Variants in PID1 observed in about 807,000 individuals in gnomAD.
PID1 encodes the protein PTB-containing, cubilin and LRP1-interacting protein.
PID1 carries 10 observed loss-of-function variants against 19.1 expected under a neutral mutation model. That is an observed-to-expected ratio of 0.52 (90% CI 0.32 to 0.89). PID1 has a LOEUF of 0.89. PID1 is among the 40% of genes least tolerant of loss of function. The pLI is 0.03. For missense variants in PID1, 248 were observed against 285.3 expected, an observed-to-expected ratio of 0.87 and a Z score of 0.94; for synonymous variants, 130 against 116.0, an observed-to-expected ratio of 1.12 and a Z score of -0.78.
intron 2 of PID1, among the ~76,000 whole-genome samples, chr2:229,085,816 T>A (rs1011605192): frequency 6.6e-6 from 1 of 152,022 alleles, no homozygotes; most frequent in Non-Finnish European, 1.5e-5. Context: ...TTAATCCACA[T>A]GATACTATAA....
At chr2:229,123,039 A>G (rs747970850) in intron 2 of PID1, among the ~76,000 whole-genome samples, 16 of 152,138 alleles carry the variant, frequency 1.1e-4, no homozygotes, top group Non-Finnish European at 2.1e-4. Context: ...ATAATATAAA[A>G]TTCACTTATT....
chr2:229,270,974 C>A, intron 1 of PID1, 40 bp downstream of exon 1: 1 of 1,464,010 alleles, frequency 6.8e-7, no homozygotes, highest in Non-Finnish European at 9.0e-7. Flanking sequence ...CCGGGCACCT[C>A]CTCCTCCAGG....
At position 229,069,143 on chromosome 2, in the gene PID1, T is replaced by TGTGTGTGTGTGTGTGTG. The variant is rs1553559154; in HGVS notation, c.178-43036_178-43035insCACACACACACACACAC. ...TTCCTTTCTTTAACGAGAAGGGTTT[T>TGTGTGTGTGTGTGTGTG]TGTGTGTGTGTGTGTGTGTGTGTGT... is the stretch of plus-strand genomic sequence containing the variant. On this transcript the variant is annotated intron_variant, in intron 2 of 2. Transcript: ENST00000392055. Among the ~76,000 whole-genome samples the TGTGTGTGTGTGTGTGTG allele has an allele frequency of 3.1e-4, 43 of 140,706 alleles. 1 individual carries two copies. Among genetic ancestry groups the TGTGTGTGTGTGTGTGTG allele is most frequent in the African/African-American group, 1.6e-4 (6 of 37,568 alleles). The allele number at this position is 140,706 out of a possible 152,430, so 92.3% of individuals were successfully genotyped here.
intron 2 of PID1, among the ~76,000 whole-genome samples, chr2:229,104,680 G>A (rs1695138951): frequency 6.6e-6 from 1 of 152,128 alleles, no homozygotes; most frequent in Non-Finnish European, 1.5e-5. Context: ...TACATTATCT[G>A]TATGGATTCC....
chr2:229,174,146 T>TTTCTTGGTA (rs1690765571), intron 1 of PID1, among the ~76,000 whole-genome samples: 1 of 152,132 alleles, frequency 6.6e-6, no homozygotes. Flanking sequence ...TTTGCTCAGG[T>TTTCTTGGTA]TTCTTGGTAT....
chr2:229,070,153 T>C (rs761571638), intron 2 of PID1, among the ~76,000 whole-genome samples: 16 of 152,168 alleles, frequency 1.1e-4, no homozygotes, highest in Non-Finnish European at 1.3e-4. Context: ...CTTTTCTAAA[T>C]ATGTAAGAGC....
intron 1 of PID1, among the ~76,000 whole-genome samples, chr2:229,191,711 C>T (rs1691263786): frequency 6.6e-6 from 1 of 152,188 alleles, no homozygotes; most frequent in Non-Finnish European, 1.5e-5. Flanking sequence ...TGAATCAGCA[C>T]TCTTAAATTG....
At chr2:229,192,086 T>C (rs956234676) in intron 1 of PID1, among the ~76,000 whole-genome samples, 1 of 151,928 alleles carries the variant, frequency 6.6e-6, no homozygotes, top group African/African-American at 2.4e-5. Context: ...TAGAAGAAAA[T>C]AGGGGGTATA....
chr2:229,251,376 T>C (rs1690145674), intron 1 of PID1, among the ~76,000 whole-genome samples: 1 of 152,096 alleles, frequency 6.6e-6, no homozygotes, highest in African/African-American at 2.4e-5. Flanking sequence ...GATCCGTTGG[T>C]CAAGAATTAC....
At chr2:229,137,733 T>C (rs1057372234) in intron 2 of PID1, among the ~76,000 whole-genome samples, 1 of 152,218 alleles carries the variant, frequency 6.6e-6, no homozygotes, top group African/African-American at 2.4e-5. Context: ...TCTGCTTCAA[T>C]TATGCATGTA....
intron 2 of PID1, among the ~76,000 whole-genome samples, chr2:229,133,438 G>A (rs1024216333): frequency 3.2e-4 from 49 of 152,242 alleles, no homozygotes; most frequent in Middle Eastern, 3.4e-3. Context: ...TTTCTTCCAC[G>A]GAATTCTGTG....
At chr2:229,114,774 T>C (rs537814451) in intron 2 of PID1, among the ~76,000 whole-genome samples, 8 of 152,326 alleles carry the variant, frequency 5.3e-5, no homozygotes, top group Non-Finnish European at 1.0e-4. Flanking sequence ...TTATATACAC[T>C]TGTCTTCTTC....
At chr2:229,237,024 A>ACT (rs1689717318) in intron 1 of PID1, among the ~76,000 whole-genome samples, 1 of 149,860 alleles carries the variant, frequency 6.7e-6, no homozygotes, top group South Asian at 2.1e-4. Context: ...ACACACACAC[A>ACT]CTGACTTCTA....
chr2:229,039,631 C>A (rs75411915), intron 2 of PID1, among the ~76,000 whole-genome samples: 1 of 152,094 alleles, frequency 6.6e-6, no homozygotes, highest in African/African-American at 2.4e-5. Context: ...TCTTAACTGA[C>A]GGATTCTTAT....
intron 1 of PID1, among the ~76,000 whole-genome samples, chr2:229,267,544 C>T (rs1354154097): frequency 2.6e-5 from 4 of 152,174 alleles, no homozygotes; most frequent in Non-Finnish European, 1.5e-5. Context: ...AATAACTACA[C>T]CAAAGACCTT....
At chr2:229,143,895 C>G (rs969294195) in intron 2 of PID1, among the ~76,000 whole-genome samples, 1 of 152,094 alleles carries the variant, frequency 6.6e-6, no homozygotes, top group East Asian at 1.9e-4. Flanking sequence ...GTCAATTAAA[C>G]CCCTTTTCCT....
At chr2:229,125,073 C>T (rs1369242618) in intron 2 of PID1, among the ~76,000 whole-genome samples, 1 of 152,142 alleles carries the variant, frequency 6.6e-6, no homozygotes, top group African/African-American at 2.4e-5. Flanking sequence ...TCAGGATGAT[C>T]AGACTTTACT....
At chr2:229,034,241 C>A (rs986544800) in intron 2 of PID1, among the ~76,000 whole-genome samples, 1 of 152,166 alleles carries the variant, frequency 6.6e-6, no homozygotes. Flanking sequence ...CTACTAGAAC[C>A]AATTCCTGGT....
intron 2 of PID1, among the ~76,000 whole-genome samples, chr2:229,127,331 T>C (rs1233805105): frequency 6.6e-6 from 1 of 152,172 alleles, no homozygotes; most frequent in African/African-American, 2.4e-5. Context: ...GATCCAAAAC[T>C]GGCCACACTG....
Sources: gnomAD v4.1 joint callset for allele counts (sites outside exome capture counted in the v4.1 genomes callset) on GRCh38, gnomAD v4.1.1 for gene constraint, MANE v1.5 for transcripts, NCBI Gene and HGNC (gene_info 2026-07-23, HGNC 2026-07-21) for gene names.